Variants in KCNAB1 observed in about 807,000 individuals in gnomAD.
KCNAB1 encodes the protein voltage-gated potassium channel subunit beta-1.
In KCNAB1, 35 loss-of-function variants were observed where a neutral mutation model predicts 64.6. The observed-to-expected ratio is 0.54, with a 90% confidence interval of 0.41 to 0.72. The LOEUF (loss-of-function observed/expected upper bound fraction) is 0.72, where lower values mean the gene tolerates loss of function less well. Among genes scored for constraint, KCNAB1 ranks in the 30% least tolerant of loss-of-function variants. The pLI is 0.00. For synonymous variants in KCNAB1, 177 were observed against 183.8 expected (o/e 0.96, Z 0.30); for missense variants, 401 against 512.9 (o/e 0.78, Z 2.11).
chr3:156,392,267 A>G (rs1393552429), intron 1 of KCNAB1, among the ~76,000 whole-genome samples: 1 of 152,234 alleles, frequency 6.6e-6, no homozygotes, highest in African/African-American at 2.4e-5. Flanking sequence ...CAGGGGTTAC[A>G]GCAGTATCTG....
In KCNAB1 at chr3:156,160,500, G is replaced by C. The variant is rs368067640; in HGVS notation, c.275+39614G>C. Among the ~76,000 whole-genome samples the C allele has an allele frequency of 3.7e-4, 57 of 152,264 alleles. 1 individual carries two copies. The highest frequency in any genetic ancestry group is 3.4e-3 in the Middle Eastern group (1 of 294). On this transcript the variant is annotated intron_variant, in intron 1 of 13. Coordinates refer to ENST00000490337, the MANE Select transcript of KCNAB1 (RefSeq NM_172160.3). ...CCCCTCAACCCTTTTGGCGAAGAGA[G>C]TGTTAGAAGATGAGGTTAAGAGGCA...
chr3:156,215,647 A>G (rs1698382904), intron 1 of KCNAB1: 2 of 152,338 alleles, frequency 1.3e-5, no homozygotes, highest in Non-Finnish European at 2.9e-5. Flanking sequence ...GGAATTCCAC[A>G]TAGATGCAGC....
intron 8 of KCNAB1, among the ~76,000 whole-genome samples, chr3:156,504,742 G>GTTTTTTTTTTT (rs796618812): frequency 1.2e-5 from 1 of 81,236 alleles, no homozygotes; most frequent in African/African-American, 3.4e-5. Context: ...TTTTGTTTTT[G>GTTTTTTTTTTT]TTTTTTTTGT....
chr3:156,468,395 C>T (rs1713595097), intron 7 of KCNAB1, among the ~76,000 whole-genome samples: 1 of 151,956 alleles, frequency 6.6e-6, no homozygotes, highest in Non-Finnish European at 1.5e-5. Flanking sequence ...ATAATTAAAT[C>T]ACCCCATTGT....
chr3:156,438,108 C>T (rs891655889), intron 2 of KCNAB1, among the ~76,000 whole-genome samples: 2 of 152,176 alleles, frequency 1.3e-5, no homozygotes, highest in Non-Finnish European at 2.9e-5. Flanking sequence ...CTTAATTGGG[C>T]CACAGTTGAA....
At chr3:156,431,988 G>C (rs115044901) in intron 2 of KCNAB1, among the ~76,000 whole-genome samples, 73 of 152,236 alleles carry the variant, frequency 4.8e-4, no homozygotes, top group African/African-American at 1.5e-3. Context: ...ACTGGGGAAG[G>C]GTACTTTAAA....
At chr3:156,159,630 C>A (rs74741136) in intron 1 of KCNAB1, among the ~76,000 whole-genome samples, 4,360 of 152,250 alleles carry the variant, frequency 0.029, 121 homozygotes, top group East Asian at 0.13. Context: ...TACGCGAAGA[C>A]TAAGTGCACA....
At chr3:156,197,153 G>A (rs576258371) in intron 1 of KCNAB1, among the ~76,000 whole-genome samples, 4 of 152,282 alleles carry the variant, frequency 2.6e-5, no homozygotes, top group African/African-American at 9.6e-5. Context: ...GGATGAAGCT[G>A]ACTTGATCGT....
intron 1 of KCNAB1, among the ~76,000 whole-genome samples, chr3:156,232,914 C>A (rs1487396420): frequency 6.6e-6 from 1 of 151,752 alleles, no homozygotes; most frequent in African/African-American, 2.4e-5. Flanking sequence ...TTTTTCGCTT[C>A]CTTTCTGAAT....
chr3:156,331,800 G>A (rs1384924513), intron 1 of KCNAB1, among the ~76,000 whole-genome samples: 3 of 152,170 alleles, frequency 2.0e-5, no homozygotes, highest in East Asian at 3.8e-4. Flanking sequence ...ACACCTGGAA[G>A]CCCCTGGTGT....
intron 8 of KCNAB1, among the ~76,000 whole-genome samples, chr3:156,495,758 C>T (rs1522980): frequency 0.24 from 36,664 of 152,058 alleles, 4,894 homozygotes; most frequent in South Asian, 0.35. Flanking sequence ...AAGTAGTTAA[C>T]ATGTAAAGTG....
At chr3:156,334,616 C>T (rs2108051772) in intron 1 of KCNAB1, among the ~76,000 whole-genome samples, 1 of 152,332 alleles carries the variant, frequency 6.6e-6, no homozygotes. Flanking sequence ...TTTCCTGGCA[C>T]AGTGCCCAGC....
Position 156,208,688 on chromosome 3 carries a change from C to CGA in KCNAB1, c.275+87802_275+87803insGA, listed in dbSNP as rs1360580771. On this transcript the variant is annotated intron_variant, in intron 1 of 13. Coordinates refer to ENST00000490337, the MANE Select transcript of KCNAB1 (RefSeq NM_172160.3). ...AATTTCATGCTGTGAGAAACCAGAA[C>CGA]AAACTGTTAATTCTGGTGTAAGTCA... 3.9e-5 allele frequency among the ~76,000 whole-genome samples: 6 copies of CGA among 152,290 alleles called. No individual in the cohort carries two copies. In the East Asian group the frequency reaches 1.2e-3, roughly 29 times the overall value.
intron 2 of KCNAB1, among the ~76,000 whole-genome samples, chr3:156,426,085 G>A (rs1715795983): frequency 6.6e-6 from 1 of 152,164 alleles, no homozygotes; most frequent in Non-Finnish European, 1.5e-5. Flanking sequence ...TGGAAAGAAA[G>A]CTAGGTTTGA....
intron 2 of KCNAB1, among the ~76,000 whole-genome samples, chr3:156,429,952 A>G (rs1445364136): frequency 2.0e-5 from 3 of 152,248 alleles, no homozygotes; most frequent in Non-Finnish European, 4.4e-5. Context: ...CTTTCTGGAA[A>G]GTCTAACTTG....
chr3:156,202,555 G>A (rs1714405064), intron 1 of KCNAB1, among the ~76,000 whole-genome samples: 4 of 152,036 alleles, frequency 2.6e-5, no homozygotes, highest in South Asian at 2.1e-4. Flanking sequence ...GGAATCCCTG[G>A]CATTTCTTTT....
At chr3:156,501,896 C>T (rs1050898361) in intron 8 of KCNAB1, among the ~76,000 whole-genome samples, 4 of 152,066 alleles carry the variant, frequency 2.6e-5, no homozygotes, top group African/African-American at 9.7e-5. Context: ...TACATGGTGG[C>T]AGGAAGAGAA....
intron 8 of KCNAB1, among the ~76,000 whole-genome samples, chr3:156,497,429 G>A (rs1056035144): frequency 6.6e-6 from 1 of 152,202 alleles, no homozygotes; most frequent in Non-Finnish European, 1.5e-5. Context: ...CCTCTGCTAA[G>A]ATTCTTGCTT....
At chr3:156,159,601 C>T in intron 1 of KCNAB1, among the ~76,000 whole-genome samples, 1 of 152,136 alleles carries the variant, frequency 6.6e-6, no homozygotes, top group Admixed American at 6.5e-5. Context: ...GGCAGTGCCC[C>T]CTCCACATAT....
Sources: allele counts gnomAD v4.1 joint callset (sites outside exome capture counted in the v4.1 genomes callset), GRCh38; gene constraint gnomAD v4.1.1; transcripts MANE v1.5; gene names NCBI Gene and HGNC (gene_info 2026-07-23, HGNC 2026-07-21).